SWAP70: variants seen among roughly 807,000 people sequenced by gnomAD.
The protein encoded by SWAP70 is switch-associated protein 70.
Under a neutral mutation model 80.2 loss-of-function variants are expected in SWAP70, and 34 were observed. The observed-to-expected ratio is 0.42, with a 90% CI of 0.32 to 0.56. The LOEUF (loss-of-function observed/expected upper bound fraction) is 0.56. Among genes scored for constraint, SWAP70 ranks in the 20% least tolerant of loss-of-function variants. SWAP70 has a pLI of 0.09. For synonymous variants in SWAP70, 239 were observed against 238.5 expected (o/e 1.00, Z -0.02); for missense variants, 578 against 690.7 (o/e 0.84, Z 1.83).
rs377069354 is a variant in SWAP70, at chr11:9,732,568, C to G, written c.938C>G (p.Pro313Arg). 6.2e-7 allele frequency: 1 copy of G among 1,606,720 alleles called. No homozygotes were observed. The change falls in exon 7 of 12, where the codon CCT becomes CGT. Residue 313 changes from proline to arginine, a missense_variant. Physicochemically the swap from Pro to Arg is moderately radical, Grantham distance 103. Transcript: ENST00000318950. Reference sequence around the variant, plus strand: ...ATTCATCTGTTGAAGCTGGGCAGCCCTCCACCACACAAAGAAGCCCGCCAG... The same window carrying G: ...ATTCATCTGTTGAAGCTGGGCAGCCGTCCACCACACAAAGAAGCCCGCCAG... ...STIHLLKLGS[P>R]PPHKEARQRR... is the part of the protein sequence containing the mutation.
In SWAP70 at chr11:9,695,242, C is replaced by T. The variant is rs369975665; in HGVS notation, c.240+956C>T. 3.2e-4 allele frequency among the ~76,000 whole-genome samples: 48 copies of T among 151,204 alleles called. 5 individuals carry two copies. The highest frequency in any genetic ancestry group is 1.7e-3 in the East Asian group (9 of 5,160). On this transcript the variant is annotated intron_variant, in intron 2 of 11. Coordinates refer to ENST00000318950, the MANE Select transcript of SWAP70 (RefSeq NM_015055.4). ...CCGGGAGGTAGAGCTTGCAGTGAGT[C>T]GAGATCACGCCATTGCATTCCAGCC...
chr11:9,747,881 A>G lies in SWAP70; in HGVS notation c.1379A>G (p.Lys460Arg). The G allele has an allele frequency of 6.2e-7, 1 of 1,614,170 alleles. No homozygotes were observed. Among genetic ancestry groups the G allele is most frequent in the Non-Finnish European group, 8.5e-7 (1 of 1,180,030 alleles). The change falls in exon 10 of 12, where the codon AAG (lysine) becomes AGG (arginine). Residue 460 changes from lysine to arginine, a missense_variant. Lys to Arg is a conservative substitution (Grantham distance 26, BLOSUM62 2). Coordinates refer to ENST00000318950, the MANE Select transcript of SWAP70 (RefSeq NM_015055.4). The part of the protein sequence containing the change: ...QARLLEEESS[K>R]RAELEKWHLE... ...AGGTTGTTGGAGGAAGAGTCTTCCA[A>G]GAGGGCTGAACTAGAAAAGTGGCAC...
chr11:9,671,455 AAT>A (rs377725154), intron 1 of SWAP70, among the ~76,000 whole-genome samples: 20,847 of 95,232 alleles, frequency 0.22, 2,749 homozygotes, highest in Non-Finnish European at 0.3. Flanking sequence ...TATATTTATA[AAT>A]ATATATATAA....
At chr11:9,690,436 G>T (rs1301996209) in intron 1 of SWAP70, among the ~76,000 whole-genome samples, 1 of 152,050 alleles carries the variant, frequency 6.6e-6, no homozygotes, top group Non-Finnish European at 1.5e-5. Context: ...AAATTAGCTG[G>T]GTGTGGTGGC....
chr11:9,711,252 C>G (rs1405938353), intron 2 of SWAP70, among the ~76,000 whole-genome samples: 2 of 152,060 alleles, frequency 1.3e-5, no homozygotes, highest in Non-Finnish European at 2.9e-5. Flanking sequence ...AAGAGTGTGT[C>G]TGTTACTACC....
intron 1 of SWAP70, among the ~76,000 whole-genome samples, chr11:9,671,433 A>AAT (rs1565109268): frequency 1.0e-5 from 1 of 98,322 alleles, no homozygotes; most frequent in Non-Finnish European, 1.8e-5. Flanking sequence ...TATATATATA[A>AAT]ATATATAAAA....
chr11:9,718,494 A>C (rs1384494071), intron 3 of SWAP70, among the ~76,000 whole-genome samples: 1 of 152,238 alleles, frequency 6.6e-6, no homozygotes, highest in Non-Finnish European at 1.5e-5. Flanking sequence ...TATATTATGA[A>C]AAATACATTC....
intron 3 of SWAP70, among the ~76,000 whole-genome samples, chr11:9,717,260 G>C (rs967820220): frequency 1.3e-5 from 2 of 152,202 alleles, no homozygotes; most frequent in African/African-American, 4.8e-5. Flanking sequence ...GTGTATAGAA[G>C]GGAATGTCTG....
intron 9 of SWAP70, among the ~76,000 whole-genome samples, chr11:9,745,044 C>T (rs951853513): frequency 1.3e-5 from 2 of 152,196 alleles, no homozygotes; most frequent in African/African-American, 4.8e-5. Context: ...TCGTACCTGG[C>T]ACACAGTAAG....
intron 1 of SWAP70, among the ~76,000 whole-genome samples, chr11:9,689,733 C>T (rs185485798): frequency 5.9e-5 from 9 of 152,274 alleles, no homozygotes; most frequent in Admixed American, 5.2e-4. Context: ...GCAGATTCCC[C>T]CAGAGGGATA....
intron 3 of SWAP70, among the ~76,000 whole-genome samples, chr11:9,718,501 A>G (rs1360292324): frequency 6.6e-6 from 1 of 152,250 alleles, no homozygotes; most frequent in African/African-American, 2.4e-5. Flanking sequence ...TGAAAAATAC[A>G]TTCTCTGTTA....
At chr11:9,706,566 T>C (rs1043318794) in intron 2 of SWAP70, among the ~76,000 whole-genome samples, 6 of 152,186 alleles carry the variant, frequency 3.9e-5, no homozygotes, top group Non-Finnish European at 8.8e-5. Context: ...TCTTTTGTCA[T>C]TTCCCTGCCT....
chr11:9,664,298 G>GCC lies in SWAP70; in HGVS notation c.99+25_99+26dup, dbSNP rs751114977. The GCC allele has an allele frequency of 1.3e-6, 2 of 1,548,184 alleles. No individual in the cohort carries two copies. The highest frequency in any genetic ancestry group is 1.7e-6 in the Non-Finnish European group (2 of 1,146,584). On this transcript the variant is annotated intron_variant, in intron 1 of 11. Coordinates refer to ENST00000318950, the MANE Select transcript of SWAP70 (RefSeq NM_015055.4). ...CTCAAGGTGGGCGCCTCCTGACCCG[G>GCC]CCCCCCACCCGACCCTCCCCGGCGC...
intron 2 of SWAP70, among the ~76,000 whole-genome samples, chr11:9,698,859 T>C (rs542085738): frequency 6.6e-6 from 1 of 152,312 alleles, no homozygotes; most frequent in East Asian, 1.9e-4. Context: ...CATTGTGGAA[T>C]GGTAAAGTGA....
rs1590002021 is a variant in SWAP70 at position 9,665,165 on chromosome 11, T to C, written c.99+887T>C. On this transcript the variant is annotated intron_variant, in intron 1 of 11. Coordinates refer to ENST00000318950, the MANE Select transcript of SWAP70 (RefSeq NM_015055.4). ...TCATAGGCATTTAAAAATATACATA[T>C]TTTAGATCCGAATGTCCGGTTTTCT... 2.0e-5 allele frequency among the ~76,000 whole-genome samples: 3 copies of C among 152,302 alleles called. No individual in the cohort carries two copies. In the South Asian group the frequency reaches 6.2e-4, roughly 32 times the overall value.
intron 3 of SWAP70, among the ~76,000 whole-genome samples, chr11:9,716,986 CAA>C (rs1851074588): frequency 6.6e-6 from 1 of 152,106 alleles, no homozygotes; most frequent in Non-Finnish European, 1.5e-5. Flanking sequence ...CTAAGAAACA[CAA>C]AGTTTTAAGA....
At position 9,664,119 on chromosome 11, in the gene SWAP70, GT is replaced by G; in HGVS notation, c.-60del. 1 of 1,489,354 alleles carries G rather than the reference GT, an allele frequency of 6.7e-7. No homozygotes were observed. Among genetic ancestry groups the G allele is most frequent in the Non-Finnish European group, 9.0e-7 (1 of 1,110,282 alleles). 92.3% of individuals were successfully genotyped at this position (1,489,354 alleles called of 1,614,324 possible). ...GCTGTGGCTGCGGAGGTTGAGGGGC[GT>G]CCGAGGCGCGGAGGGGCTGGCTGGG... On this transcript the variant is annotated 5_prime_UTR_variant, in exon 1 of 12. Transcript: ENST00000318950.
At chr11:9,667,670 C>T (rs1850325528) in intron 1 of SWAP70, among the ~76,000 whole-genome samples, 1 of 127,602 alleles carries the variant, frequency 7.8e-6, no homozygotes, top group Non-Finnish European at 1.9e-5. Context: ...TCAAGCAGTC[C>T]TCCCACTTCA....
In SWAP70 at chr11:9,748,022, A is replaced by G; in HGVS notation, c.1520A>G (p.Glu507Gly). ...QEAMEQLEQL[E>G]LERKQALEQY... ...GCCATGGAGCAGCTGGAGCAGCTTG[A>G]GTTAGAACGGAAGCAAGCACTTGAG... Residue 507 changes from glutamate to glycine, a missense_variant, in exon 10 of 12, where the codon GAG becomes GGG. Transcript: ENST00000318950. 6.2e-7 allele frequency: 1 copy of G among 1,614,150 alleles called. No individual in the cohort carries two copies. The highest frequency in any genetic ancestry group is 8.5e-7 in the Non-Finnish European group (1 of 1,179,984).
Sources: allele counts gnomAD v4.1 joint callset (sites outside exome capture counted in the v4.1 genomes callset), GRCh38; gene constraint gnomAD v4.1.1; transcripts MANE v1.5; gene names NCBI Gene and HGNC (gene_info 2026-07-23, HGNC 2026-07-21).